GRM8: variants seen among roughly 807,000 people sequenced by gnomAD.
GRM8 encodes glutamate metabotropic receptor 8.
A neutral mutation model predicts 87.2 loss-of-function variants in GRM8; 47 were observed. The ratio of observed to expected loss-of-function variants is 0.54; its 90% CI spans 0.43 to 0.69. The LOEUF (loss-of-function observed/expected upper bound fraction) is 0.69. Ranked by LOEUF, GRM8 falls within the 30% of genes least tolerant of loss-of-function variation. The pLI, the probability that GRM8 is intolerant of heterozygous loss-of-function variation, is 0.00. For missense variants in GRM8, 1,019 were observed against 1,139.2 expected (o/e 0.89, Z 1.52); for synonymous variants, 396 against 404.5 (o/e 0.98, Z 0.25).
intron 9 of GRM8, among the ~76,000 whole-genome samples, chr7:126,485,722 C>A (rs890684779): frequency 2.6e-5 from 4 of 151,982 alleles, no homozygotes; most frequent in African/African-American, 9.7e-5. Flanking sequence ...GGCCTGAGAA[C>A]TAAAACTACA....
At chr7:126,581,157 AAAAAAATAAAAAAT>A (rs895270340) in intron 8 of GRM8, among the ~76,000 whole-genome samples, 1 of 151,962 alleles carries the variant, frequency 6.6e-6, no homozygotes, top group African/African-American at 2.4e-5. Context: ...CAATTTTTAG[AAAAAAATAAAAAAT>A]AAAAAATAAA....
At chr7:127,130,688 T>G (rs1251458935) in intron 2 of GRM8, among the ~76,000 whole-genome samples, 3 of 152,138 alleles carry the variant, frequency 2.0e-5, no homozygotes, top group Admixed American at 2.0e-4. Context: ...ATTATATGGT[T>G]TAGCTCTGTG....
chr7:126,850,617 C>G (rs1461143118), intron 6 of GRM8, among the ~76,000 whole-genome samples: 1 of 152,160 alleles, frequency 6.6e-6, no homozygotes, highest in African/African-American at 2.4e-5. Flanking sequence ...TGAGTGCTGT[C>G]TGAAACTTCT....
intron 3 of GRM8, among the ~76,000 whole-genome samples, chr7:127,039,384 G>T (rs981620121): frequency 2.0e-4 from 30 of 152,196 alleles, no homozygotes; most frequent in African/African-American, 6.7e-4. Flanking sequence ...CAGAGAGGGA[G>T]GCCTCAGAAA....
chr7:126,767,052 G>A (rs1181343139), intron 7 of GRM8, among the ~76,000 whole-genome samples: 1 of 152,168 alleles, frequency 6.6e-6, no homozygotes, highest in Non-Finnish European at 1.5e-5. Flanking sequence ...GACTAAGGAA[G>A]TGGACCAGCC....
At chr7:126,554,263 C>T (rs1792898541) in intron 8 of GRM8, among the ~76,000 whole-genome samples, 2 of 151,606 alleles carry the variant, frequency 1.3e-5, no homozygotes, top group Non-Finnish European at 2.9e-5. Context: ...GAGAAACCAA[C>T]TCAATAATAA....
chr7:127,074,955 A>C (rs1822108330), intron 3 of GRM8, among the ~76,000 whole-genome samples: 1 of 152,202 alleles, frequency 6.6e-6, no homozygotes, highest in Non-Finnish European at 1.5e-5. Flanking sequence ...GCAGTCTCCC[A>C]AGCAGAGTAT....
At chr7:126,790,310 G>A (rs920467197) in intron 6 of GRM8, among the ~76,000 whole-genome samples, 1 of 152,064 alleles carries the variant, frequency 6.6e-6, no homozygotes, top group African/African-American at 2.4e-5. Context: ...AAGTGGCCAA[G>A]AACACATTCT....
intron 9 of GRM8, among the ~76,000 whole-genome samples, chr7:126,447,726 G>A (rs751322081): frequency 4.0e-5 from 6 of 151,870 alleles, no homozygotes; most frequent in Non-Finnish European, 7.4e-5. Flanking sequence ...AAAACCTTGC[G>A]GTAAAGAACT....
At chr7:127,008,374 A>G (rs1249789644) in intron 3 of GRM8, among the ~76,000 whole-genome samples, 1 of 152,122 alleles carries the variant, frequency 6.6e-6, no homozygotes, top group African/African-American at 2.4e-5. Flanking sequence ...GGATATAAGA[A>G]TATGAAAGAA....
intron 7 of GRM8, among the ~76,000 whole-genome samples, chr7:126,760,376 G>T (rs1023434572): frequency 3.3e-5 from 5 of 152,068 alleles, no homozygotes; most frequent in Non-Finnish European, 5.9e-5. Flanking sequence ...TATTTTAAAG[G>T]AGAAATAAGA....
intron 6 of GRM8, among the ~76,000 whole-genome samples, chr7:126,773,927 G>T (rs1362002): frequency 0.47 from 71,710 of 151,962 alleles, 17,521 homozygotes; most frequent in African/African-American, 0.55. Flanking sequence ...ATTTAAAATT[G>T]TACTATTCAA....
chr7:127,139,014 A>G (rs1404701717), intron 2 of GRM8, among the ~76,000 whole-genome samples: 4 of 152,148 alleles, frequency 2.6e-5, no homozygotes, highest in Non-Finnish European at 4.4e-5. Context: ...AAGCAGACAG[A>G]TATATGCGAC....
At chr7:126,742,182 G>A (rs1241701248) in intron 7 of GRM8, among the ~76,000 whole-genome samples, 1 of 152,052 alleles carries the variant, frequency 6.6e-6, no homozygotes, top group African/African-American at 2.4e-5. Flanking sequence ...GTTTAAATCT[G>A]TGTTGTTCCA....
In GRM8 at chr7:127,037,609, C is replaced by A. The variant is rs1161421773; in HGVS notation, c.727+68887G>T. 2.0e-5 allele frequency among the ~76,000 whole-genome samples: 3 copies of A among 152,216 alleles called. No individual in the cohort carries two copies. In the East Asian group the frequency reaches 5.8e-4, roughly 29 times the overall value. Reference sequence around the variant, plus strand: ...TGCATCCATCAGCCCAGGCTGCAAACCCCAAAGTTTTGCTGTCTCACAATT... The same window carrying A: ...TGCATCCATCAGCCCAGGCTGCAAAACCCAAAGTTTTGCTGTCTCACAATT... On this transcript the variant is annotated intron_variant, in intron 3 of 10. Coordinates refer to ENST00000339582, the MANE Select transcript of GRM8 (RefSeq NM_000845.3).
chr7:126,941,078 A>G (rs1806867667), intron 3 of GRM8, among the ~76,000 whole-genome samples: 2 of 152,130 alleles, frequency 1.3e-5, no homozygotes, highest in African/African-American at 2.4e-5. Flanking sequence ...AATTCTACCT[A>G]TCTGCCCACA....
chr7:127,108,003 T>G (rs527700263), intron 2 of GRM8, among the ~76,000 whole-genome samples: 2 of 152,330 alleles, frequency 1.3e-5, no homozygotes, highest in South Asian at 2.1e-4. Flanking sequence ...GTACCCAGAA[T>G]AGCGTGGCCC....
intron 7 of GRM8, among the ~76,000 whole-genome samples, chr7:126,643,593 G>A (rs1184326717): frequency 6.6e-6 from 1 of 151,852 alleles, no homozygotes; most frequent in Admixed American, 6.6e-5. Context: ...AAATATCCTG[G>A]AATATCATAG....
intron 3 of GRM8, among the ~76,000 whole-genome samples, chr7:126,970,509 T>C (rs1427352152): frequency 2.3e-4 from 35 of 152,032 alleles, no homozygotes; most frequent in Non-Finnish European, 4.0e-4. Context: ...TTGAGGAGAG[T>C]CAGGGCCTTG....
Sources: gnomAD v4.1 joint callset for allele counts (sites outside exome capture counted in the v4.1 genomes callset) on GRCh38, gnomAD v4.1.1 for gene constraint, MANE v1.5 for transcripts, NCBI Gene and HGNC (gene_info 2026-07-23, HGNC 2026-07-21) for gene names.